Variants in ZNF81 observed in about 807,000 individuals in gnomAD.
ZNF81 encodes zinc finger protein 81, also known as zinc finger protein 81 (HFZ20).
A neutral mutation model predicts 32.3 loss-of-function variants in ZNF81; 5 were observed. The ratio of observed to expected loss-of-function variants is 0.15; its 90% CI spans 0.08 to 0.33. The LOEUF (loss-of-function observed/expected upper bound fraction) is 0.33. Ranked by LOEUF, ZNF81 falls within the 10% of genes least tolerant of loss-of-function variation. The pLI, the probability that ZNF81 is intolerant of heterozygous loss-of-function variation, is 1.00. For synonymous variants in ZNF81, 163 were observed against 166.8 expected (o/e 0.98, Z 0.17); for missense variants, 379 against 479.8 (o/e 0.79, Z 1.96).
chrX:47,909,160 A>G (rs1172293389), intron 4 of ZNF81, among the ~76,000 whole-genome samples: 1 of 112,215 alleles, frequency 8.9e-6, no homozygotes, highest in African/African-American at 3.2e-5. Flanking sequence ...GTATGTTTAT[A>G]TAGAATTGGT....
chrX:47,870,635 G>A (rs1273295705), intron 2 of ZNF81, among the ~76,000 whole-genome samples: 1 of 112,343 alleles, frequency 8.9e-6, no homozygotes, highest in Non-Finnish European at 1.9e-5. Flanking sequence ...CAAAACTTCA[G>A]GGCATTGATA....
chrX:47,859,243 A>T (rs181909521), intron 2 of ZNF81, among the ~76,000 whole-genome samples: 1,314 of 111,713 alleles, frequency 0.012, 4 homozygotes, highest in Non-Finnish European at 0.019. Context: ...TTGAGTAGTG[A>T]CAAGATTTGT....
In ZNF81 at chrX:47,915,452, T is replaced by C. The variant is rs1012845993; in HGVS notation, c.806T>C (p.Ile269Thr). The change falls in exon 5 of 5, where the codon ATT becomes ACT. Residue 269 changes from isoleucine to threonine, a missense_variant. Coordinates refer to ENST00000338637, the MANE Select transcript of ZNF81 (RefSeq NM_007137.5). ...HSLSQNVKFPIGEKANTCTEF... is the reference protein window; with the variant it reads ...HSLSQNVKFPTGEKANTCTEF... ...CTCAGTCAAAATGTGAAATTTCCCA[T>C]TGGAGAGAAAGCAAACACATGTACT... The C allele has an allele frequency of 9.9e-6, 12 of 1,211,476 alleles. No homozygotes were observed. The highest frequency in any genetic ancestry group is 3.5e-5 in the South Asian group (2 of 56,979).
intron 3 of ZNF81, among the ~76,000 whole-genome samples, chrX:47,891,961 C>CT (rs1556886520): frequency 6.3e-5 from 7 of 111,534 alleles, no homozygotes; most frequent in African/African-American, 2.3e-4. Flanking sequence ...TCAAGGGGTT[C>CT]TGGGTCTGAG....
chrX:47,855,517 T>C (rs1178285964), intron 2 of ZNF81, among the ~76,000 whole-genome samples: 1 of 111,942 alleles, frequency 8.9e-6, no homozygotes, highest in African/African-American at 3.2e-5. Flanking sequence ...TCATAATCTT[T>C]ATTATTCTAA....
In ZNF81 at chrX:47,882,710, G is replaced by T. The variant is rs782380733; in HGVS notation, c.55-5289G>T. ...ACTTTATTAGAAATTGTCAAACAAG[G>T]TCTGGCACAGTGGCTCAGGCCTGTA... On this transcript the variant is annotated intron_variant, in intron 2 of 4. Coordinates refer to ENST00000338637, the MANE Select transcript of ZNF81 (RefSeq NM_007137.5). 2.6e-3 allele frequency among the ~76,000 whole-genome samples: 297 copies of T among 113,057 alleles called. 1 individual carries two copies. The highest frequency in any genetic ancestry group is 9.3e-3 in the Middle Eastern group (2 of 216).
intron 1 of ZNF81, among the ~76,000 whole-genome samples, chrX:47,840,807 G>A (rs1556879681): frequency 8.9e-6 from 1 of 112,129 alleles, no homozygotes; most frequent in Non-Finnish European, 1.9e-5. Flanking sequence ...CGCGCCCGGC[G>A]AGCTACTGTC....
chrX:47,873,379 G>C (rs2058587465), intron 2 of ZNF81, among the ~76,000 whole-genome samples: 1 of 111,667 alleles, frequency 9.0e-6, no homozygotes, highest in Non-Finnish European at 1.9e-5. Context: ...GACACTTGCT[G>C]TTCACTAGTT....
chrX:47,858,906 C>T (rs2148012380), intron 2 of ZNF81, among the ~76,000 whole-genome samples: 1 of 110,568 alleles, frequency 9.0e-6, no homozygotes, highest in East Asian at 2.8e-4. Context: ...GCCTGACCAA[C>T]ATGGTGAAAC....
intron 1 of ZNF81, among the ~76,000 whole-genome samples, chrX:47,843,646 C>G (rs1424267073): frequency 9.0e-6 from 1 of 111,648 alleles, no homozygotes; most frequent in Non-Finnish European, 1.9e-5. Flanking sequence ...CCTCAGTCTT[C>G]CTGAATAGCT....
intron 3 of ZNF81, among the ~76,000 whole-genome samples, chrX:47,895,611 A>G (rs933183270): frequency 1.8e-5 from 2 of 111,893 alleles, no homozygotes; most frequent in Admixed American, 1.9e-4. Context: ...GTACTGTGTT[A>G]TAGCAGCCTT....
At chrX:47,911,539 A>G (rs2058739305) in intron 4 of ZNF81, among the ~76,000 whole-genome samples, 1 of 112,042 alleles carries the variant, frequency 8.9e-6, no homozygotes, top group Non-Finnish European at 1.9e-5. Context: ...TGAAGAAAAT[A>G]CTTACCAATA....
chrX:47,859,499 A>G (rs1007254059), intron 2 of ZNF81, among the ~76,000 whole-genome samples: 35 of 111,757 alleles, frequency 3.1e-4, no homozygotes, highest in African/African-American at 1.1e-3. Context: ...AAAGACATTC[A>G]TATCTGTATT....
chrX:47,898,225 T>C (rs1317173795), intron 4 of ZNF81, among the ~76,000 whole-genome samples: 1 of 110,940 alleles, frequency 9.0e-6, no homozygotes, highest in African/African-American at 3.3e-5. Flanking sequence ...AGCAGGGGGA[T>C]AGTGGCTCAA....
At chrX:47,892,171 G>T (rs1476922909) in intron 3 of ZNF81, among the ~76,000 whole-genome samples, 2 of 111,826 alleles carry the variant, frequency 1.8e-5, no homozygotes, top group Admixed American at 9.4e-5. Flanking sequence ...CTGTGAATCA[G>T]ACTATTCTGA....
At position 47,919,037 on chromosome X, in the gene ZNF81, C is replaced by A. The variant is rs1218166253; in HGVS notation, c.*2405C>A. 4.3e-5 allele frequency: 12 copies of A among 279,176 alleles called. No individual in the cohort carries two copies. The highest frequency in any genetic ancestry group is 2.4e-4 in the South Asian group (7 of 29,690). 23.0% of individuals were successfully genotyped at this position (279,176 alleles called of 1,213,427 possible). A position where few individuals can be genotyped will look rare whatever the true frequency, so the allele number is the denominator to read the frequency against. On this transcript the variant is annotated 3_prime_UTR_variant, in exon 5 of 5. Transcript: ENST00000338637. ...AAACTGAAAAACTGTACCCAAGGAACCTCAGCCACACCTGAACCTGATACA... is the reference window on the plus strand; with the variant it reads ...AAACTGAAAAACTGTACCCAAGGAAACTCAGCCACACCTGAACCTGATACA...
intron 2 of ZNF81, 26 bp downstream of exon 2, chrX:47,846,347 G>A (rs1556880509): frequency 1.5e-5 from 18 of 1,200,948 alleles, no homozygotes; most frequent in Non-Finnish European, 2.0e-5. Context: ...AGGTGCCCAG[G>A]GATTGGAATT....
Position 47,915,428 on chromosome X carries a change from T to G in ZNF81, c.782T>G (p.Leu261Arg), listed in dbSNP as rs782258659. The G allele has an allele frequency of 2.1e-5, 26 of 1,209,722 alleles. No homozygotes were observed. In the South Asian group the frequency reaches 4.6e-4, roughly 21 times the overall value. The change falls in exon 5 of 5, where the codon CTC becomes CGC. Residue 261 changes from leucine to arginine, a missense_variant. Leu to Arg is a moderately radical substitution (Grantham distance 102, BLOSUM62 -2). Around this residue, in one of 2 missense-constraint regions of ZNF81, gnomAD observed 277 missense variants for 306.6 expected, o/e 0.90. Coordinates refer to ENST00000338637, the MANE Select transcript of ZNF81 (RefSeq NM_007137.5). Reference sequence around the variant, plus strand: ...AAAGTCCTCAGCCTCAAACACTCACTCAGTCAAAATGTGAAATTTCCCATT... The same window carrying G: ...AAAGTCCTCAGCCTCAAACACTCACGCAGTCAAAATGTGAAATTTCCCATT... Reference protein sequence around the residue: ...CGKVLSLKHSLSQNVKFPIGE... With the variant: ...CGKVLSLKHSRSQNVKFPIGE...
chrX:47,896,049 T>C, intron 4 of ZNF81, 109 bp downstream of exon 4: 1 of 595,787 alleles, frequency 1.7e-6, no homozygotes, highest in Admixed American at 3.4e-5. Context: ...GGAAACTTTA[T>C]AAATTGCTTG....
Sources: gnomAD v4.1 joint callset for allele counts (sites outside exome capture counted in the v4.1 genomes callset) on GRCh38, gnomAD v4.1.1 for gene constraint, gnomAD v4.1.1 regional missense constraint, MANE v1.5 for transcripts, NCBI Gene and HGNC (gene_info 2026-07-23, HGNC 2026-07-21) for gene names.